The following ATP2B2 variants were observed in gnomAD, a reference collection of about 807,000 sequenced individuals.
ATP2B2 encodes the protein plasma membrane calcium-transporting ATPase 2.
A neutral mutation model predicts 120.0 loss-of-function variants in ATP2B2; 15 were observed. The observed-to-expected ratio is 0.12, with a 90% CI of 0.08 to 0.19. ATP2B2 has a LOEUF of 0.19. Ranked by LOEUF, ATP2B2 falls within the 10% of genes least tolerant of loss-of-function variation. ATP2B2 has a pLI of 1.00. For synonymous variants in ATP2B2, 694 were observed against 700.3 expected (o/e 0.99, Z 0.14); for missense variants, 1,045 against 1,719.8 (o/e 0.61, Z 6.94).
At chr3:10,491,976 G>C (rs1384474601) in intron 1 of ATP2B2, among the ~76,000 whole-genome samples, 1 of 152,214 alleles carries the variant, frequency 6.6e-6, no homozygotes, top group Admixed American at 6.5e-5. Context: ...TGACAAAATA[G>C]GGTATCGACA....
chr3:10,687,931 AAAT>A (rs745503368), intron 1 of ATP2B2, among the ~76,000 whole-genome samples: 1 of 152,202 alleles, frequency 6.6e-6, no homozygotes, highest in Non-Finnish European at 1.5e-5. Context: ...GTGACCTTAG[AAAT>A]AATAATAATA....
At chr3:10,420,401 C>T (rs995895196) in intron 2 of ATP2B2, among the ~76,000 whole-genome samples, 1 of 150,778 alleles carries the variant, frequency 6.6e-6, no homozygotes, top group Non-Finnish European at 1.5e-5. Context: ...CGCTCTTGTC[C>T]TCCAGGCTGG....
At chr3:10,446,460 C>T (rs1014342070) in intron 2 of ATP2B2, among the ~76,000 whole-genome samples, 2 of 152,146 alleles carry the variant, frequency 1.3e-5, no homozygotes, top group Non-Finnish European at 2.9e-5. Context: ...TTTTGTCCTC[C>T]CCCAGCCCTG....
chr3:10,363,405 A>AC (rs1224508940), intron 12 of ATP2B2, among the ~76,000 whole-genome samples: 1 of 152,242 alleles, frequency 6.6e-6, no homozygotes, highest in African/African-American at 2.4e-5. Context: ...GAGAAAAGGC[A>AC]CTTGCTCCTA....
intron 5 of ATP2B2, among the ~76,000 whole-genome samples, chr3:10,398,650 T>C (rs2062122042): frequency 1.3e-5 from 2 of 152,198 alleles, no homozygotes; most frequent in Admixed American, 6.5e-5. Flanking sequence ...CCTGCAGGCC[T>C]CAGCTCTCCT....
At chr3:10,445,731 C>T (rs1278593600) in intron 2 of ATP2B2, among the ~76,000 whole-genome samples, 22 of 152,188 alleles carry the variant, frequency 1.4e-4, no homozygotes, top group Admixed American at 5.9e-4. Flanking sequence ...TATGCGTGGC[C>T]TGGAGCATTT....
intron 2 of ATP2B2, among the ~76,000 whole-genome samples, chr3:10,614,013 T>A (rs180675811): frequency 6.6e-6 from 1 of 152,242 alleles, no homozygotes; most frequent in Admixed American, 6.5e-5. Context: ...CATTCCCTCA[T>A]TCCAGCCTGA....
In ATP2B2 at chr3:10,402,335, G is replaced by T; in HGVS notation, c.411C>A (p.Ala137=). ...PGEGNEGCAT[A]QGGAEDEGEA... Reference sequence around the variant, plus strand: ...CTCCTTCATCCTCTGCCCCACCCTGGGCCGTCGCACATCCTGAAAGACCAG... The same window carrying T: ...CTCCTTCATCCTCTGCCCCACCCTGTGCCGTCGCACATCCTGAAAGACCAG... Residue 137 remains alanine (A), a synonymous_variant, in exon 4 of 23, where the codon GCC becomes GCA. Transcript: ENST00000360273. The surrounding 1 kb of genome is among the most constrained non-coding windows in gnomAD (Gnocchi z 4.9). 1.2e-6 allele frequency: 2 copies of T among 1,613,590 alleles called. No individual in the cohort carries two copies.
chr3:10,657,171 G>A (rs1332887875), intron 1 of ATP2B2, among the ~76,000 whole-genome samples: 2 of 152,250 alleles, frequency 1.3e-5, no homozygotes, highest in Non-Finnish European at 2.9e-5. Flanking sequence ...TCAGGTGGAA[G>A]CAGGGAAGCA....
intron 1 of ATP2B2, among the ~76,000 whole-genome samples, chr3:10,465,701 A>G (rs954433628): frequency 2.0e-5 from 3 of 152,218 alleles, no homozygotes; most frequent in African/African-American, 7.2e-5. Flanking sequence ...GTAACATTCA[A>G]ATCAGGTCTT....
rs117315299 is a variant in ATP2B2, at chr3:10,641,029, C to A, written c.-459-21068G>T. Among the ~76,000 whole-genome samples, 13 of 152,246 alleles carry A rather than the reference C, an allele frequency of 8.5e-5. No individual in the cohort carries two copies. The East Asian group carries it at 2.5e-3, about 29-fold the overall frequency. On this transcript the variant is annotated intron_variant, in intron 1 of 21. Transcript: ENST00000646379. ...AACAGTGGGGGTGTGTGACCCCAGG[C>A]AGGAGGGATTGGGGTACACCCAGGA...
rs928659205 is a variant in ATP2B2 at position 10,350,561 on chromosome 3, C to T, written c.2153G>A (p.Arg718His). The part of the protein sequence containing the change: ...PVRPEVPEAI[R>H]KCQRAGITVR... The stretch of plus-strand genomic sequence containing the variant: ...CGTGATGCCTGCCCGCTGGCACTTG[C>T]GGATGGCTTCTGGGACCTGGGCAGG... Residue 718 changes from arginine (R) to histidine (H), a missense_variant, in exon 15 of 23, where the codon CGC becomes CAC. By Grantham distance (29) the Arg-to-His change is conservative. Transcript: ENST00000360273. 23 of 1,613,114 alleles carry T rather than the reference C, an allele frequency of 1.4e-5. No individual in the cohort carries two copies. Among genetic ancestry groups the T allele is most frequent in the Non-Finnish European group, 1.6e-5 (19 of 1,179,990 alleles).
At chr3:10,586,726 C>T (rs2068519139) in intron 2 of ATP2B2, among the ~76,000 whole-genome samples, 1 of 152,182 alleles carries the variant, frequency 6.6e-6, no homozygotes, top group African/African-American at 2.4e-5. Flanking sequence ...TGAGAGGGAG[C>T]ATCTGGATGG....
At chr3:10,458,099 C>T (rs2064341277) in intron 1 of ATP2B2, among the ~76,000 whole-genome samples, 1 of 151,628 alleles carries the variant, frequency 6.6e-6, no homozygotes, top group South Asian at 2.1e-4. Flanking sequence ...GTTCGTCCAT[C>T]CTTCCATCTG....
At chr3:10,554,723 C>T (rs1484976604) in intron 2 of ATP2B2, among the ~76,000 whole-genome samples, 1 of 152,182 alleles carries the variant, frequency 6.6e-6, no homozygotes, top group Non-Finnish European at 1.5e-5. Context: ...GCTAATACAC[C>T]ACACTTAGAA....
chr3:10,586,981 A>T (rs538470579), intron 2 of ATP2B2, among the ~76,000 whole-genome samples: 81 of 152,156 alleles, frequency 5.3e-4, no homozygotes, highest in African/African-American at 1.9e-3. Flanking sequence ...GAGTGAGTTT[A>T]CCTCACACAC....
At chr3:10,672,845 CTTT>C (rs1032148534) in intron 1 of ATP2B2, among the ~76,000 whole-genome samples, 11 of 152,324 alleles carry the variant, frequency 7.2e-5, no homozygotes, top group African/African-American at 2.6e-4. Context: ...ACAGAGGAAT[CTTT>C]GATTCACATT....
chr3:10,483,091 T>A (rs2065478530), intron 1 of ATP2B2, among the ~76,000 whole-genome samples: 1 of 152,180 alleles, frequency 6.6e-6, no homozygotes, highest in African/African-American at 2.4e-5. Flanking sequence ...TTCAGGTCCA[T>A]CTCCCTCACT....
At chr3:10,625,064 A>G (rs1265821098) in intron 1 of ATP2B2, among the ~76,000 whole-genome samples, 1 of 152,168 alleles carries the variant, frequency 6.6e-6, no homozygotes, top group Non-Finnish European at 1.5e-5. Context: ...CAATTTTTCG[A>G]GTAAATAATA....
Sources: allele counts gnomAD v4.1 joint callset (sites outside exome capture counted in the v4.1 genomes callset), GRCh38; gene constraint gnomAD v4.1.1; non-coding constraint Gnocchi (gnomAD v3.1); transcripts MANE v1.5; gene names NCBI Gene and HGNC (gene_info 2026-07-23, HGNC 2026-07-21).